The following CAMTA1 variants were observed in gnomAD, a reference collection of about 807,000 sequenced individuals.
CAMTA1 encodes the protein calmodulin binding transcription activator 1.
In CAMTA1, 27 loss-of-function variants were observed where a neutral mutation model predicts 170.9. The observed-to-expected ratio is 0.16, with a 90% confidence interval of 0.12 to 0.22. The LOEUF is 0.22. Ranked by LOEUF, CAMTA1 falls within the 10% of genes least tolerant of loss-of-function variation. The pLI is 1.00. For synonymous variants in CAMTA1, 833 were observed against 891.5 expected, an observed-to-expected ratio of 0.93 and a Z score of 1.17; for missense variants, 1,619 against 2,217.2, an observed-to-expected ratio of 0.73 and a Z score of 5.42.
intron 10 of CAMTA1, among the ~76,000 whole-genome samples, chr1:7,675,498 G>A (rs2096109157): frequency 6.6e-6 from 1 of 152,166 alleles, no homozygotes; most frequent in African/African-American, 2.4e-5. Context: ...GGAGACCATA[G>A]GAAGAAGGCA....
rs2091901614 is a variant in CAMTA1 at position 7,426,970 on chromosome 1, T to C, written c.439-40860T>C. Among the ~76,000 whole-genome samples the C allele has an allele frequency of 6.6e-6, 1 of 152,104 alleles. No individual in the cohort carries two copies. Among genetic ancestry groups the C allele is most frequent in the Non-Finnish European group, 1.5e-5 (1 of 68,026 alleles). ...TGCTCAGCGGTGGCGTTCAGAATCG[T>C]GTTTTCCTTACTCAACATTCCCAGG... On this transcript the variant is annotated intron_variant, in intron 5 of 22. Coordinates refer to ENST00000303635, the MANE Select transcript of CAMTA1 (RefSeq NM_015215.4). This position sits in a 1 kb window ranked among gnomAD's most constrained non-coding sequence, Gnocchi z 4.8.
At chr1:7,721,922 G>A (rs2096652304) in intron 11 of CAMTA1, among the ~76,000 whole-genome samples, 1 of 151,986 alleles carries the variant, frequency 6.6e-6, no homozygotes, top group African/African-American at 2.4e-5. Flanking sequence ...ACAGAGGAGG[G>A]ACTTAATTTT....
chr1:7,265,572 C>T (rs1337315239), intron 5 of CAMTA1, among the ~76,000 whole-genome samples: 3 of 152,116 alleles, frequency 2.0e-5, no homozygotes, highest in Non-Finnish European at 4.4e-5. Context: ...CCTTGGCCTC[C>T]TAAAGTGCTG....
At position 7,010,354 on chromosome 1, in the gene CAMTA1, T is replaced by C. The variant is rs1355600583; in HGVS notation, c.235-80950T>C. ...CTCTCTGGCCCTTGCTTGGTTGAGCTCAGCTGTGCTCAGTGACTTTGGGCC... is the reference window on the plus strand; with the variant it reads ...CTCTCTGGCCCTTGCTTGGTTGAGCCCAGCTGTGCTCAGTGACTTTGGGCC... On this transcript the variant is annotated intron_variant, in intron 3 of 22. Transcript: ENST00000303635. This position sits in a 1 kb window ranked among gnomAD's most constrained non-coding sequence, Gnocchi z 4.4. 6.6e-6 allele frequency among the ~76,000 whole-genome samples: 1 copy of C among 152,170 alleles called. No individual in the cohort carries two copies. Among genetic ancestry groups the C allele is most frequent in the Admixed American group, 6.5e-5 (1 of 15,284 alleles).
chr1:7,388,204 T>A (rs1557634571), intron 5 of CAMTA1: 1 of 152,260 alleles, frequency 6.6e-6, no homozygotes, highest in Non-Finnish European at 1.5e-5. Context: ...AGGGCTTTAA[T>A]GGATGGTGCT....
intron 3 of CAMTA1, among the ~76,000 whole-genome samples, chr1:6,849,314 G>A (rs932350808): frequency 1.3e-5 from 2 of 152,188 alleles, no homozygotes; most frequent in South Asian, 2.1e-4. Flanking sequence ...GCAGTTGGAT[G>A]TAGATTTGGG....
intron 5 of CAMTA1, among the ~76,000 whole-genome samples, chr1:7,354,089 C>A (rs1465804985): frequency 6.6e-6 from 1 of 151,972 alleles, no homozygotes; most frequent in East Asian, 1.9e-4. Context: ...ACCATGATTT[C>A]ATTCCTCTTT....
intron 5 of CAMTA1, among the ~76,000 whole-genome samples, chr1:7,445,889 G>A (rs1292655894): frequency 1.3e-5 from 2 of 152,124 alleles, no homozygotes; most frequent in African/African-American, 2.4e-5. Context: ...GGTCAGGATG[G>A]TGTCATGAAT....
rs370274719 is a variant in CAMTA1, at chr1:7,493,285, G to A, written c.510+25384G>A. Among the ~76,000 whole-genome samples, 1,207 of 143,690 alleles carry A rather than the reference G, an allele frequency of 8.4e-3. 32 individuals are homozygous for A. The highest frequency in any genetic ancestry group is 0.027 in the African/African-American group (1,092 of 40,106). The allele number at this position is 143,690 out of a possible 152,430, so 94.3% of individuals were successfully genotyped here. A position where few individuals can be genotyped will look rare whatever the true frequency, so the allele number is the denominator to read the frequency against. On this transcript the variant is annotated intron_variant, in intron 6 of 22. Coordinates refer to ENST00000303635, the MANE Select transcript of CAMTA1 (RefSeq NM_015215.4). ...TACACACGCACACAAACATACACGC[G>A]CACAAACACAAACATACAAATGCGC...
intron 3 of CAMTA1, among the ~76,000 whole-genome samples, chr1:7,079,862 T>C (rs1325925032): frequency 2.6e-5 from 4 of 152,182 alleles, no homozygotes; most frequent in South Asian, 2.1e-4. Flanking sequence ...TCAGAAATCA[T>C]GCAAGCTAGA....
intron 6 of CAMTA1, among the ~76,000 whole-genome samples, chr1:7,591,052 G>A (rs995646772): frequency 3.3e-5 from 5 of 152,212 alleles, no homozygotes; most frequent in Non-Finnish European, 5.9e-5. Flanking sequence ...GGTTCTCTGC[G>A]GTCTGCCATT....
At chr1:7,145,519 G>A (rs893183224) in intron 4 of CAMTA1, among the ~76,000 whole-genome samples, 3 of 152,174 alleles carry the variant, frequency 2.0e-5, no homozygotes, top group South Asian at 2.1e-4. Flanking sequence ...GAAGCCACTG[G>A]GCTTGGAAGG....
chr1:7,011,926 C>T (rs1329799843), intron 3 of CAMTA1, among the ~76,000 whole-genome samples: 1 of 152,204 alleles, frequency 6.6e-6, no homozygotes, highest in Non-Finnish European at 1.5e-5. Flanking sequence ...TGTCTCTCCG[C>T]CCCACTCCTC....
At position 7,173,431 on chromosome 1, in the gene CAMTA1, AGGCTGGAGTATAACAGTGT is replaced by A. The variant is rs917410803; in HGVS notation, c.303-76058_303-76040del. Among the ~76,000 whole-genome samples the A allele has an allele frequency of 6.6e-6, 1 of 152,098 alleles. No individual in the cohort carries two copies. Among genetic ancestry groups the A allele is most frequent in the African/African-American group, 2.4e-5 (1 of 41,406 alleles). On this transcript the variant is annotated intron_variant, in intron 4 of 22. Transcript: ENST00000303635. The surrounding 1 kb of genome is among the most constrained non-coding windows in gnomAD (Gnocchi z 5.4). ...AGACTGATTTTCACTCTAGTCATCC[AGGCTGGAGTATAACAGTGT>A]GATCTTGGCTCACTGCAACCTCTGC...
In CAMTA1 at chr1:7,766,538, T is replaced by A; in HGVS notation, c.*47T>A. On this transcript the variant is annotated 3_prime_UTR_variant, in exon 23 of 23. Transcript: ENST00000303635. ...AGCAATGTGACATTGCTTTTCAGAC[T>A]GTTTTCATTTCTGTTTTTAGCAGAG... 6.3e-7 allele frequency: 1 copy of A among 1,574,940 alleles called. No homozygotes were observed. Among genetic ancestry groups the A allele is most frequent in the Non-Finnish European group, 8.7e-7 (1 of 1,144,410 alleles).
At position 7,580,313 on chromosome 1, in the gene CAMTA1, G is replaced by A. The variant is rs1235830289; in HGVS notation, c.511-60087G>A. 1.3e-5 allele frequency among the ~76,000 whole-genome samples: 2 copies of A among 152,040 alleles called. No homozygotes were observed. The highest frequency in any genetic ancestry group is 6.5e-5 in the Admixed American group (1 of 15,288). On this transcript the variant is annotated intron_variant, in intron 6 of 22. Transcript: ENST00000303635. This position sits in a 1 kb window ranked among gnomAD's most constrained non-coding sequence, Gnocchi z 4.3. ...GTGGGAGCTGTTGGGGGGAATGGGG[G>A]CAGGTGGAGAAGAGGAGGAGCTTTC...
chr1:7,399,665 G>A (rs187234442), intron 5 of CAMTA1, among the ~76,000 whole-genome samples: 9 of 152,328 alleles, frequency 5.9e-5, no homozygotes, highest in Middle Eastern at 6.8e-3. Flanking sequence ...GGTTGGTCTA[G>A]TGGTGATGAA....
chr1:7,551,765 G>T (rs72865459), intron 6 of CAMTA1, among the ~76,000 whole-genome samples: 5,099 of 152,262 alleles, frequency 0.033, 274 homozygotes, highest in African/African-American at 0.12. Flanking sequence ...GGTCTCTGCT[G>T]CTGGGACTGC....
chr1:7,467,970 G>T, intron 6 of CAMTA1, 69 bp downstream of exon 6: 1 of 1,317,794 alleles, frequency 7.6e-7, no homozygotes, highest in Non-Finnish European at 1.1e-6. Context: ...GGGCACTGAG[G>T]GCGCGGGGCT....
Sources: allele counts gnomAD v4.1 joint callset (sites outside exome capture counted in the v4.1 genomes callset), GRCh38; gene constraint gnomAD v4.1.1; non-coding constraint Gnocchi (gnomAD v3.1); transcripts MANE v1.5; gene names NCBI Gene and HGNC (gene_info 2026-07-23, HGNC 2026-07-21).